Variants in DYNC2I1 observed in about 807,000 individuals in gnomAD.
The protein encoded by DYNC2I1 is dynein 2 intermediate chain 1.
Under a neutral mutation model 133.4 loss-of-function variants are expected in DYNC2I1, and 89 were observed. That is an observed-to-expected ratio of 0.67 (90% CI 0.56 to 0.80). The LOEUF (loss-of-function observed/expected upper bound fraction) is 0.80, where lower values mean the gene tolerates loss of function less well. Among genes scored for constraint, DYNC2I1 ranks in the 30% least tolerant of loss-of-function variants. DYNC2I1 has a pLI of 0.00. For synonymous variants in DYNC2I1, 504 were observed against 484.3 expected (o/e 1.04, Z -0.54); for missense variants, 1,291 against 1,314.5 (o/e 0.98, Z 0.28).
In DYNC2I1 at chr7:158,877,555, G is replaced by A. The variant is rs956028305; in HGVS notation, c.573+864G>A. On this transcript the variant is annotated intron_variant, in intron 4 of 24. Coordinates refer to ENST00000407559, the MANE Select transcript of DYNC2I1 (RefSeq NM_018051.5). ...ATATCATCAGAGCATAATTCCTTAT[G>A]TCCTAAGCAGGAGCTGGGCATCATC... is the stretch of plus-strand genomic sequence containing the variant. Among the ~76,000 whole-genome samples the A allele has an allele frequency of 4.6e-5, 7 of 152,312 alleles. No individual in the cohort carries two copies. The South Asian group carries it at 1.4e-3, about 32-fold the overall frequency.
rs966140832 is a variant in DYNC2I1, at chr7:158,907,768, C to T, written c.1460+1677C>T. ...GGATTACAGGTGTGCACCACCACACCCAGCTAATTTTTATTTTTTTTTTAT... is the reference window on the plus strand; with the variant it reads ...GGATTACAGGTGTGCACCACCACACTCAGCTAATTTTTATTTTTTTTTTAT... On this transcript the variant is annotated intron_variant, in intron 11 of 24. Coordinates refer to ENST00000407559, the MANE Select transcript of DYNC2I1 (RefSeq NM_018051.5). Among the ~76,000 whole-genome samples the T allele has an allele frequency of 1.2e-4, 18 of 151,978 alleles. 1 individual carries two copies. The highest frequency in any genetic ancestry group is 8.8e-5 in the Non-Finnish European group (6 of 68,000).
chr7:158,951,592 G>A (rs538450292), intron 4 of DYNC2I1, among the ~76,000 whole-genome samples: 2 of 152,246 alleles, frequency 1.3e-5, no homozygotes, highest in Non-Finnish European at 2.9e-5. Context: ...GCACCTGTGT[G>A]GGAGGTACAC....
At chr7:158,898,726 G>A (rs1188954) in intron 8 of DYNC2I1, among the ~76,000 whole-genome samples, 69,118 of 151,882 alleles carry the variant, frequency 0.46, 17,393 homozygotes, top group East Asian at 0.7. Context: ...ATTAGTATCT[G>A]CCATATTTGT....
chr7:158,906,978 A>G, intron 11 of DYNC2I1, among the ~76,000 whole-genome samples: 1 of 152,130 alleles, frequency 6.6e-6, no homozygotes, highest in East Asian at 1.9e-4. Flanking sequence ...TGAGCAGCAT[A>G]GCGAGACGCA....
intron 14 of DYNC2I1, among the ~76,000 whole-genome samples, chr7:158,916,639 C>G (rs535074587): frequency 1.4e-5 from 1 of 73,994 alleles, no homozygotes; most frequent in Non-Finnish European, 3.2e-5. Context: ...CGTCTACACG[C>G]TGGTTGACAT....
the DYNC2I1 span, among the ~76,000 whole-genome samples, chr7:158,841,818 C>T: frequency 3.3e-5 from 5 of 152,090 alleles, no homozygotes; most frequent in Non-Finnish European, 5.9e-5. Context: ...GAGGGAGTGC[C>T]GCAGAAGTGA....
chr7:158,871,967 G>C (rs572209827), intron 3 of DYNC2I1, among the ~76,000 whole-genome samples: 1 of 152,280 alleles, frequency 6.6e-6, no homozygotes, highest in East Asian at 1.9e-4. Context: ...TGTTCTCTCT[G>C]TTGCGGGGTG....
At chr7:158,952,968 C>T (rs1224405623) in intron 4 of DYNC2I1, among the ~76,000 whole-genome samples, 1 of 152,226 alleles carries the variant, frequency 6.6e-6, no homozygotes, top group Non-Finnish European at 1.5e-5. Context: ...GGCTCCTGCC[C>T]AACCTCTGCC....
chr7:158,868,944 C>T (rs1842646396), intron 1 of DYNC2I1, among the ~76,000 whole-genome samples: 1 of 152,210 alleles, frequency 6.6e-6, no homozygotes, highest in Non-Finnish European at 1.5e-5. Flanking sequence ...TTCTGTCTGT[C>T]ATACATCCCA....
In DYNC2I1 at chr7:158,941,962, T is replaced by G; in HGVS notation, c.2816T>G (p.Leu939Arg). 6.2e-7 allele frequency: 1 copy of G among 1,611,662 alleles called. No individual in the cohort carries two copies. Among genetic ancestry groups the G allele is most frequent in the Non-Finnish European group, 8.5e-7 (1 of 1,178,968 alleles). The change falls in exon 24 of 25, where the codon CTG becomes CGG. Residue 939 changes from leucine to arginine, a missense_variant. Leu to Arg is a moderately radical substitution (Grantham distance 102). Transcript: ENST00000407559. The part of the protein sequence containing the change: ...CSDGSIRLHQ[L>R]SSAFPLLQWD... ...GACGGAAGCATCAGGCTGCACCAGC[T>G]GAGCTCCGCGTTTCCGCTCCTGCAG...
intron 1 of DYNC2I1, among the ~76,000 whole-genome samples, chr7:158,865,302 G>A (rs1842307512): frequency 6.6e-6 from 1 of 152,228 alleles, no homozygotes; most frequent in Admixed American, 6.5e-5. Flanking sequence ...TTGAGGGGAA[G>A]GGGAGTTAAA....
intron 21 of DYNC2I1, among the ~76,000 whole-genome samples, chr7:158,933,162 G>A (rs1400440320): frequency 1.3e-5 from 2 of 152,342 alleles, no homozygotes; most frequent in African/African-American, 4.8e-5. Context: ...TGCTGACTTT[G>A]ATGATGTGGG....
At chr7:158,915,995 G>A (rs1425006439) in intron 14 of DYNC2I1, among the ~76,000 whole-genome samples, 7 of 119,330 alleles carry the variant, frequency 5.9e-5, no homozygotes, top group Admixed American at 8.1e-5. Context: ...ACGTCGACAC[G>A]CTGGTTGACA....
intron 1 of DYNC2I1, among the ~76,000 whole-genome samples, chr7:158,866,936 G>A (rs1253074863): frequency 6.8e-6 from 1 of 147,728 alleles, no homozygotes; most frequent in African/African-American, 2.5e-5. Context: ...AGCTTTTTTT[G>A]TTTGCCCTAA....
intron 1 of DYNC2I1, among the ~76,000 whole-genome samples, chr7:158,863,266 C>T (rs1055369361): frequency 1.3e-5 from 2 of 152,028 alleles, no homozygotes; most frequent in South Asian, 2.1e-4. Context: ...TTTAGCTAGA[C>T]GCAGAGCGCT....
chr7:158,880,259 A>C (rs1191450146), intron 5 of DYNC2I1, among the ~76,000 whole-genome samples: 1 of 152,180 alleles, frequency 6.6e-6, no homozygotes, highest in Admixed American at 6.5e-5. Flanking sequence ...AAATTTGGCC[A>C]GGCGCGGTGG....
chr7:158,921,238 T>C (rs35251818), intron 15 of DYNC2I1, among the ~76,000 whole-genome samples: 26,489 of 151,922 alleles, frequency 0.17, 2,564 homozygotes, highest in African/African-American at 0.24. Context: ...CACAGGGAGA[T>C]GGGAGCTTCT....
chr7:158,882,015 G>A (rs1046014756), intron 5 of DYNC2I1, among the ~76,000 whole-genome samples: 3 of 152,070 alleles, frequency 2.0e-5, no homozygotes, highest in Admixed American at 6.5e-5. Flanking sequence ...ACATAGATTT[G>A]GCTTTTATTA....
intron 4 of DYNC2I1, among the ~76,000 whole-genome samples, chr7:158,956,402 G>A (rs375754528): frequency 3.7e-4 from 56 of 152,342 alleles, no homozygotes; most frequent in African/African-American, 1.2e-3. Context: ...TGGTCACCAC[G>A]TCCACAGTTA....
Sources: gnomAD v4.1 joint callset for allele counts (sites outside exome capture counted in the v4.1 genomes callset) on GRCh38, gnomAD v4.1.1 for gene constraint, MANE v1.5 for transcripts, NCBI Gene and HGNC (gene_info 2026-07-23, HGNC 2026-07-21) for gene names.